EPHA6: variants seen among roughly 807,000 people sequenced by gnomAD.
EPHA6 encodes ephrin type-A receptor 6.
A neutral mutation model predicts 112.0 loss-of-function variants in EPHA6; 50 were observed. That is an observed-to-expected ratio of 0.45 (90% confidence interval 0.36 to 0.56). EPHA6 has a LOEUF of 0.56. EPHA6 is among the 20% of genes least tolerant of loss of function. EPHA6 has a pLI of 0.00. For missense variants in EPHA6, 1,280 were observed against 1,417.4 expected (o/e 0.90, Z 1.56); for synonymous variants, 529 against 490.7 (o/e 1.08, Z -1.03).
At chr3:97,559,677 T>C (rs540562309) in intron 11 of EPHA6, 5 of 454,912 alleles carry the variant, frequency 1.1e-5, no homozygotes, top group Admixed American at 7.1e-5. Flanking sequence ...TGAAAAGCAA[T>C]AGAGCTAATG....
intron 3 of EPHA6, among the ~76,000 whole-genome samples, chr3:97,120,273 A>C (rs1446409585): frequency 1.3e-5 from 2 of 152,000 alleles, no homozygotes; most frequent in Non-Finnish European, 2.9e-5. Flanking sequence ...GTATATTTTT[A>C]AGATAAATCA....
At chr3:96,832,718 A>G (rs2034166134) in intron 1 of EPHA6, among the ~76,000 whole-genome samples, 1 of 152,080 alleles carries the variant, frequency 6.6e-6, no homozygotes, top group Non-Finnish European at 1.5e-5. Flanking sequence ...CAAAATCAAT[A>G]TACTTCTAAG....
chr3:96,932,750 A>G (rs1025671593), intron 2 of EPHA6, among the ~76,000 whole-genome samples: 1 of 152,202 alleles, frequency 6.6e-6, no homozygotes, highest in Non-Finnish European at 1.5e-5. Flanking sequence ...GTTCACCACC[A>G]TCTCTAAAAT....
Position 97,192,225 on chromosome 3 carries a change from C to T in EPHA6, c.1115-34039C>T, listed in dbSNP as rs138068367. ...GATCTCAGCTCACTGAAACTTCTGCCTCCCAGGTTCAAGCCACTCTGGTGC... is the reference window on the plus strand; with the variant it reads ...GATCTCAGCTCACTGAAACTTCTGCTTCCCAGGTTCAAGCCACTCTGGTGC... On this transcript the variant is annotated intron_variant, in intron 3 of 17. Transcript: ENST00000389672. 4.6e-3 allele frequency among the ~76,000 whole-genome samples: 702 copies of T among 152,240 alleles called. 8 individuals are homozygous for T. Among genetic ancestry groups the T allele is most frequent in the African/African-American group, 0.016 (646 of 41,550 alleles).
intron 2 of EPHA6, among the ~76,000 whole-genome samples, chr3:96,983,611 T>C (rs565104664): frequency 1.3e-5 from 2 of 152,330 alleles, no homozygotes; most frequent in South Asian, 2.1e-4. Context: ...CCTTGCTAGG[T>C]TGGGGAGGTT....
intron 3 of EPHA6, among the ~76,000 whole-genome samples, chr3:96,988,665 G>A (rs1353238679): frequency 1.3e-5 from 2 of 152,016 alleles, no homozygotes; most frequent in African/African-American, 4.8e-5. Context: ...ATATTGACCT[G>A]ATCAGAGCTT....
intron 7 of EPHA6, among the ~76,000 whole-genome samples, chr3:97,464,065 A>G (rs1007049885): frequency 6.6e-6 from 1 of 152,152 alleles, no homozygotes; most frequent in African/African-American, 2.4e-5. Context: ...TGCTCTAAAG[A>G]CTAGTTTTAC....
chr3:97,287,860 T>C (rs746610680), intron 5 of EPHA6, among the ~76,000 whole-genome samples: 18 of 152,130 alleles, frequency 1.2e-4, no homozygotes, highest in Non-Finnish European at 2.5e-4. Context: ...AATATTGGTC[T>C]GTAGTTTTAT....
intron 2 of EPHA6, among the ~76,000 whole-genome samples, chr3:96,970,845 A>G (rs2042293468): frequency 6.6e-6 from 1 of 152,058 alleles, no homozygotes; most frequent in African/African-American, 2.4e-5. Context: ...TCCCTCCTTT[A>G]AATCAGCTTC....
chr3:96,836,707 G>A (rs140999662), intron 1 of EPHA6, among the ~76,000 whole-genome samples: 7 of 152,268 alleles, frequency 4.6e-5, no homozygotes, highest in African/African-American at 1.4e-4. Flanking sequence ...TAAAAGGAAG[G>A]GCAGATAAGC....
At chr3:97,582,168 T>C (rs1385658547) in intron 11 of EPHA6, among the ~76,000 whole-genome samples, 1 of 152,126 alleles carries the variant, frequency 6.6e-6, no homozygotes, top group Non-Finnish European at 1.5e-5. Flanking sequence ...TAGCTGGGAT[T>C]GCAGGCATGT....
chr3:96,815,858 A>G (rs1402787325), intron 1 of EPHA6, among the ~76,000 whole-genome samples: 1 of 152,178 alleles, frequency 6.6e-6, no homozygotes, highest in African/African-American at 2.4e-5. Context: ...CCACCTGCAT[A>G]TTCTAAGTCC....
Position 97,226,430 on chromosome 3 carries a change from A to G in EPHA6, c.1270+11A>G. 6.3e-7 allele frequency: 1 copy of G among 1,586,328 alleles called. No individual in the cohort carries two copies. Among genetic ancestry groups the G allele is most frequent in the Non-Finnish European group, 8.5e-7 (1 of 1,169,768 alleles). On this transcript the variant is annotated intron_variant, in intron 4 of 17. Coordinates refer to ENST00000389672, the MANE Select transcript of EPHA6 (RefSeq NM_001080448.3). Reference sequence around the variant, plus strand: ...CTATGGCATGTACCAGTAAGTCTATACATTTTGGATTTGGAAATTCTGTTT... The same window carrying G: ...CTATGGCATGTACCAGTAAGTCTATGCATTTTGGATTTGGAAATTCTGTTT...
intron 3 of EPHA6, among the ~76,000 whole-genome samples, chr3:97,189,281 G>A (rs560246621): frequency 6.6e-6 from 1 of 151,964 alleles, no homozygotes; most frequent in South Asian, 2.1e-4. Flanking sequence ...CAAGAAAGGT[G>A]TTCTTTAAAT....
At chr3:96,895,328 A>C (rs1575956033) in intron 2 of EPHA6, among the ~76,000 whole-genome samples, 1 of 152,156 alleles carries the variant, frequency 6.6e-6, no homozygotes, top group Admixed American at 6.5e-5. Flanking sequence ...AGAAAAAAGT[A>C]TTTTTGAACA....
At chr3:97,600,029 T>C (rs1292824026) in intron 12 of EPHA6, among the ~76,000 whole-genome samples, 4 of 151,564 alleles carry the variant, frequency 2.6e-5, no homozygotes, top group Non-Finnish European at 5.9e-5. Context: ...TTTGAAGCAA[T>C]TGTGAATGGG....
intron 14 of EPHA6, among the ~76,000 whole-genome samples, chr3:97,701,817 A>G (rs2107738060): frequency 6.6e-6 from 1 of 152,202 alleles, no homozygotes; most frequent in Non-Finnish European, 1.5e-5. Flanking sequence ...TAACCCCTCA[A>G]CTATAATGCA....
chr3:97,151,301 A>G (rs1410407307), intron 3 of EPHA6, among the ~76,000 whole-genome samples: 1 of 152,110 alleles, frequency 6.6e-6, no homozygotes, highest in Admixed American at 6.6e-5. Flanking sequence ...CTCCTTTCAT[A>G]TGATACTCAC....
intron 3 of EPHA6, among the ~76,000 whole-genome samples, chr3:97,150,676 T>C (rs2076150342): frequency 6.6e-6 from 1 of 152,112 alleles, no homozygotes. Context: ...CTCCCAATGT[T>C]CATGAGACTA....
Sources: allele counts gnomAD v4.1 joint callset (sites outside exome capture counted in the v4.1 genomes callset), GRCh38; gene constraint gnomAD v4.1.1; transcripts MANE v1.5; gene names NCBI Gene and HGNC (gene_info 2026-07-23, HGNC 2026-07-21).